Variants in EPG5 observed in about 807,000 individuals in gnomAD.
EPG5 encodes the protein ectopic P-granules 5 autophagy tethering factor.
EPG5 carries 159 observed loss-of-function variants against 302.7 expected under a neutral mutation model. The ratio of observed to expected loss-of-function variants is 0.53; its 90% CI spans 0.46 to 0.60. The LOEUF (loss-of-function observed/expected upper bound fraction) is 0.60. EPG5 is among the 20% of genes least tolerant of loss of function. The pLI is 0.00. For synonymous variants in EPG5, 1,158 were observed against 1,136.8 expected, an observed-to-expected ratio of 1.02 and a Z score of -0.37; for missense variants, 2,896 against 3,092.4, an observed-to-expected ratio of 0.94 and a Z score of 1.51.
At chr18:45,871,475 AC>A (rs1264040382) in intron 35 of EPG5, among the ~76,000 whole-genome samples, 1 of 152,078 alleles carries the variant, frequency 6.6e-6, no homozygotes, top group Non-Finnish European at 1.5e-5. Flanking sequence ...GGATAACCAC[AC>A]TCCCATGTTC....
rs1247148024 is a variant in EPG5, at chr18:45,925,807, G to A, written c.2649C>T (p.Asn883=). ...AVIRDWLLNY[N]LTVVKNKLAC... is the part of the protein sequence containing the mutation. ...CCAGTTTATTCTTCACCACTGTCAG[G>A]TTGTAATTCAATAACCAATCCCGAA... Residue 883 remains asparagine, a synonymous_variant, in exon 14 of 44, where the codon AAC becomes AAT. Transcript: ENST00000282041. The A allele has an allele frequency of 6.3e-7, 1 of 1,577,206 alleles. No homozygotes were observed. The highest frequency in any genetic ancestry group is 8.6e-7 in the Non-Finnish European group (1 of 1,165,106).
In EPG5 at chr18:45,878,425, T is replaced by C; in HGVS notation, c.5893A>G (p.Ile1965Val). The C allele has an allele frequency of 1.2e-6, 2 of 1,612,316 alleles. No individual in the cohort carries two copies. Among genetic ancestry groups the C allele is most frequent in the South Asian group, 1.1e-5 (1 of 91,016 alleles). Reference sequence around the variant, plus strand: ...ATCCATGGCTTAAAGAGCTGAATGATTACTGAATGTAGGGATTTCAGCACT... The same window carrying C: ...ATCCATGGCTTAAAGAGCTGAATGACTACTGAATGTAGGGATTTCAGCACT... Reference protein sequence around the residue: ...KTVLKSLHSVIIQLFKPWILV... With the variant: ...KTVLKSLHSVVIQLFKPWILV... Residue 1965 changes from isoleucine (I) to valine (V), a missense_variant, in exon 34 of 44, where the codon ATC (isoleucine) becomes GTC (valine). Physicochemically the swap from Ile to Val is conservative, Grantham distance 29 (BLOSUM62 3). This residue lies in a region of EPG5 where 32 missense variants were observed against 58.4 expected (regional missense o/e 0.55). Transcript: ENST00000282041.
the EPG5 span, chr18:45,840,309 A>T: frequency 6.6e-7 from 1 of 1,515,022 alleles, no homozygotes; most frequent in Non-Finnish European, 9.0e-7. Context: ...CAGGGGGTCC[A>T]GGCAGGAGAA....
chr18:45,882,331 G>T lies in EPG5; in HGVS notation c.5461C>A (p.Leu1821Ile). The change falls in exon 31 of 44, where the codon CTT becomes ATT. Residue 1821 changes from leucine to isoleucine, a missense_variant. Physicochemically the swap from Leu to Ile is conservative, Grantham distance 5. Transcript: ENST00000282041. ...TGGTCAGGAAACTGGTAGAGAAGAA[G>T]ATAAGTCCAGTGCTTACAGAAAAGA... is the stretch of plus-strand genomic sequence containing the variant. ...FNLFCKHWTY[L>I]LLYQFPDQYS... 1 of 1,614,176 alleles carries T rather than the reference G, an allele frequency of 6.2e-7. No homozygotes were observed. Among genetic ancestry groups the T allele is most frequent in the South Asian group, 1.1e-5 (1 of 91,076 alleles).
chr18:45,919,670 G>A (rs1326175990), intron 16 of EPG5, among the ~76,000 whole-genome samples: 13 of 151,774 alleles, frequency 8.6e-5, no homozygotes, highest in South Asian at 2.1e-4. Context: ...CCGCCACCAC[G>A]CCCGGCTAAT....
At chr18:45,837,655 G>A in the EPG5 span, 1 of 1,504,106 alleles carries the variant, frequency 6.6e-7, no homozygotes, top group Non-Finnish European at 8.8e-7. Context: ...GCGCGGGCGA[G>A]CCCTATGCGG....
In EPG5 at chr18:45,910,506, A is replaced by G; in HGVS notation, c.4205+15T>C. ...CTGCAAACAACAATGTAGGTGGCTA[A>G]ATAACCATACTCACCTCACCAGCTC... On this transcript the variant is annotated intron_variant, in intron 23 of 43. Coordinates refer to ENST00000282041, the MANE Select transcript of EPG5 (RefSeq NM_020964.3). 1.3e-6 allele frequency: 2 copies of G among 1,573,100 alleles called. No homozygotes were observed. Among genetic ancestry groups the G allele is most frequent in the Admixed American group, 3.8e-5 (2 of 52,848 alleles).
At chr18:45,963,656 G>GAAAAT (rs1380287200) in intron 1 of EPG5, among the ~76,000 whole-genome samples, 2 of 152,068 alleles carry the variant, frequency 1.3e-5, no homozygotes, top group Admixed American at 1.3e-4. Flanking sequence ...GAAAAGAAAA[G>GAAAAT]AGAGAAAGTT....
At chr18:45,842,423 C>CTGTG in the EPG5 span, 315 of 447,712 alleles carry the variant, frequency 7.0e-4, no homozygotes, top group East Asian at 1.0e-3. Flanking sequence ...GTGCATACGT[C>CTGTG]TGTGTGTGTG....
chr18:45,960,115 T>C (rs1391629693), intron 1 of EPG5, among the ~76,000 whole-genome samples: 1 of 152,158 alleles, frequency 6.6e-6, no homozygotes, highest in Non-Finnish European at 1.5e-5. Context: ...CCCATCTTTA[T>C]CTTTATAAAA....
chr18:45,906,372 ATC>A (rs2049751926), intron 24 of EPG5, among the ~76,000 whole-genome samples: 1 of 152,044 alleles, frequency 6.6e-6, no homozygotes, highest in African/African-American at 2.4e-5. Context: ...ATTCCTACTC[ATC>A]TCTCTGGTTT....
At position 45,952,582 on chromosome 18, in the gene EPG5, T is replaced by C. The variant is rs777200087; in HGVS notation, c.1070A>G (p.Asn357Ser). Residue 357 changes from asparagine to serine, a missense_variant, in exon 3 of 44, where the codon AAT (asparagine) becomes AGT (serine). Transcript: ENST00000282041. ...SYHRYQRVEM[N>S]ENALVELKKL... Reference sequence around the variant, plus strand: ...CTTTAGCTCCACCAGTGCATTTTCATTCATTTCTACTCTTTGGTAGCGATG... The same window carrying C: ...CTTTAGCTCCACCAGTGCATTTTCACTCATTTCTACTCTTTGGTAGCGATG... 11 of 1,614,182 alleles carry C rather than the reference T, an allele frequency of 6.8e-6. No individual in the cohort carries two copies. The South Asian group carries it at 1.1e-4, about 16-fold the overall frequency.
rs1451070251 is a variant in EPG5 at position 45,929,009 on chromosome 18, C to A, written c.2413G>T (p.Val805Leu). ...IKIIVLEIYEVSYVTLSTRET... is the reference protein window; with the variant it reads ...IKIIVLEIYELSYVTLSTRET... ...CTGGTAGACAAGGTGACATAAGATA[C>A]CTAAATGGGGGGAAGGGGGAAGAAG... Residue 805 changes from valine (V) to leucine (L), a missense_variant and splice_region_variant, in exon 13 of 44, where the codon GTA becomes TTA. By Grantham distance (32) the Val-to-Leu change is conservative (BLOSUM62 1). Around this residue, in one of 5 missense-constraint regions of EPG5, gnomAD observed 1,390 missense variants for 1,430.0 expected, o/e 0.97. Transcript: ENST00000282041. The A allele has an allele frequency of 3.7e-6, 6 of 1,613,122 alleles. No homozygotes were observed. The highest frequency in any genetic ancestry group is 5.1e-6 in the Non-Finnish European group (6 of 1,179,624).
intron 22 of EPG5, among the ~76,000 whole-genome samples, 183 bp downstream of exon 22, chr18:45,912,107 C>T (rs749320344): frequency 6.6e-6 from 1 of 152,090 alleles, no homozygotes; most frequent in African/African-American, 2.4e-5. Context: ...TGCCACAAGA[C>T]ACCAGCAACT....
chr18:45,901,141 G>A lies in EPG5; in HGVS notation c.4501C>T (p.Arg1501Trp), dbSNP rs370776793. ...GGAGGCTGGGGAGCCTCATGCTTCC[G>A]CAAGTTACTTAAAACCCTTTCTTTA... ...LAKERVLSNL[R>W]KHEAPQPPLA... Residue 1501 changes from arginine (R) to tryptophan (W), a missense_variant, in exon 26 of 44, where the codon CGG becomes TGG. Physicochemically the swap from Arg to Trp is moderately radical, Grantham distance 101. Coordinates refer to ENST00000282041, the MANE Select transcript of EPG5 (RefSeq NM_020964.3). 5.6e-5 allele frequency: 91 copies of A among 1,614,082 alleles called. No individual in the cohort carries two copies. Among genetic ancestry groups the A allele is most frequent in the Admixed American group, 1.2e-4 (7 of 60,010 alleles).
intron 29 of EPG5, among the ~76,000 whole-genome samples, chr18:45,886,805 C>A (rs28479138): frequency 6.6e-6 from 1 of 152,022 alleles, no homozygotes; most frequent in Non-Finnish European, 1.5e-5. Context: ...ATTATAGGCA[C>A]GCACCACCAC....
chr18:45,963,339 G>A (rs1024960061), intron 1 of EPG5, among the ~76,000 whole-genome samples: 1 of 152,158 alleles, frequency 6.6e-6, no homozygotes, highest in Non-Finnish European at 1.5e-5. Flanking sequence ...AAACAACATG[G>A]GCAAAGGCCC....
chr18:45,907,708 T>C (rs1960917830), intron 24 of EPG5, among the ~76,000 whole-genome samples: 3 of 152,188 alleles, frequency 2.0e-5, no homozygotes, highest in Non-Finnish European at 2.9e-5. Context: ...AGGTTATGTT[T>C]ATGAGGTCGT....
chr18:45,918,187 TGGATA>T (rs1198529508), intron 16 of EPG5, among the ~76,000 whole-genome samples: 3 of 152,234 alleles, frequency 2.0e-5, no homozygotes, highest in African/African-American at 2.4e-5. Flanking sequence ...TCTCCTTGTC[TGGATA>T]TTCCCACAAG....
Sources: allele counts gnomAD v4.1 joint callset (sites outside exome capture counted in the v4.1 genomes callset), GRCh38; gene constraint gnomAD v4.1.1; regional missense constraint gnomAD v4.1.1; transcripts MANE v1.5; gene names NCBI Gene and HGNC (gene_info 2026-07-23, HGNC 2026-07-21).